The following ELMO1 variants were observed in gnomAD, a reference collection of about 807,000 sequenced individuals.
The protein encoded by ELMO1 is engulfment and cell motility protein 1.
In ELMO1, 26 loss-of-function variants were observed where a neutral mutation model predicts 98.9. The ratio of observed to expected loss-of-function variants is 0.26; its 90% confidence interval spans 0.19 to 0.36. The LOEUF (loss-of-function observed/expected upper bound fraction) is 0.36, where lower values mean the gene tolerates loss of function less well. Ranked by LOEUF, ELMO1 falls within the 10% of genes least tolerant of loss-of-function variation. The pLI is 1.00. For synonymous variants in ELMO1, 346 were observed against 346.0 expected (o/e 1.00, Z 0.00); for missense variants, 627 against 935.2 (o/e 0.67, Z 4.30).
intron 4 of ELMO1, among the ~76,000 whole-genome samples, chr7:37,282,878 C>T (rs745597528): frequency 1.3e-5 from 2 of 152,188 alleles, no homozygotes; most frequent in Non-Finnish European, 2.9e-5. Flanking sequence ...CCATTTTCAG[C>T]TGTTGTCTTT....
intron 15 of ELMO1, among the ~76,000 whole-genome samples, chr7:37,035,472 A>G (rs184971426): frequency 1.3e-5 from 2 of 152,328 alleles, no homozygotes; most frequent in Admixed American, 1.3e-4. Flanking sequence ...AAAGTGAAAG[A>G]TTTTTGTACC....
chr7:37,264,585 A>C (rs1796149477), intron 5 of ELMO1, among the ~76,000 whole-genome samples: 1 of 152,254 alleles, frequency 6.6e-6, no homozygotes, highest in Non-Finnish European at 1.5e-5. Flanking sequence ...ACACATGAAA[A>C]GAATCTAATA....
In ELMO1 at chr7:37,316,036, TAA is replaced by T; in HGVS notation, c.79-78_79-77del. The T allele has an allele frequency of 2.6e-6, 3 of 1,153,382 alleles. No individual in the cohort carries two copies. The South Asian group carries it at 4.0e-5, about 16-fold the overall frequency. 71.4% of individuals were successfully genotyped at this position (1,153,382 alleles called of 1,614,324 possible). ...AAATTAAAAAAAAGAAGAAGCTTCA[TAA>T]AAAGATTATCTAAGCAAAGAGAATT... On this transcript the variant is annotated intron_variant, in intron 2 of 21. Transcript: ENST00000310758.
At position 36,861,707 on chromosome 7, in the gene ELMO1, C is replaced by A; in HGVS notation, c.1935G>T (p.Leu645Phe). The change falls in exon 21 of 22, where the codon TTG (leucine) becomes TTT (phenylalanine). Residue 645 changes from leucine to phenylalanine, a missense_variant. This residue lies in a region of ELMO1 where 492 missense variants were observed against 715.6 expected (regional missense o/e 0.69). Coordinates refer to ENST00000310758, the MANE Select transcript of ELMO1 (RefSeq NM_014800.11). The part of the protein sequence containing the change: ...KEVLELAFSI[L>F]YDSNCQLNFI... ...AGTTCAGTTGGCAGTTTGAGTCATACAAGATGGAGAAAGCGAGTTCAAGCA... is the reference window on the plus strand; with the variant it reads ...AGTTCAGTTGGCAGTTTGAGTCATAAAAGATGGAGAAAGCGAGTTCAAGCA... 1 of 1,612,682 alleles carries A rather than the reference C, an allele frequency of 6.2e-7. No homozygotes were observed. Among genetic ancestry groups the A allele is most frequent in the Non-Finnish European group, 8.5e-7 (1 of 1,179,776 alleles).
intron 7 of ELMO1, among the ~76,000 whole-genome samples, chr7:37,235,466 T>C (rs1794409646): frequency 6.6e-6 from 1 of 152,172 alleles, no homozygotes; most frequent in Non-Finnish European, 1.5e-5. Flanking sequence ...ATAGTGGATA[T>C]TTGGTCATAC....
intron 16 of ELMO1, among the ~76,000 whole-genome samples, chr7:36,911,323 A>T (rs1409672364): frequency 6.6e-6 from 1 of 152,206 alleles, no homozygotes; most frequent in African/African-American, 2.4e-5. Flanking sequence ...CCAAACCAAC[A>T]TGACACAGTA....
At chr7:37,338,125 T>C (rs1286706432) in intron 2 of ELMO1, among the ~76,000 whole-genome samples, 1 of 152,234 alleles carries the variant, frequency 6.6e-6, no homozygotes, top group Non-Finnish European at 1.5e-5. Context: ...GCTGCTTTTA[T>C]TGAGGAATCA....
intron 1 of ELMO1, among the ~76,000 whole-genome samples, chr7:37,396,886 AATTCCATAGGACATTGG>A (rs1246816159): frequency 1.3e-5 from 2 of 152,200 alleles, no homozygotes; most frequent in Non-Finnish European, 2.9e-5. Flanking sequence ...CTATACATGA[AATTCCATAGGACATTGG>A]CAAAGGAGTA....
chr7:37,340,035 T>A (rs908674189), intron 2 of ELMO1, among the ~76,000 whole-genome samples: 1 of 152,198 alleles, frequency 6.6e-6, no homozygotes, highest in African/African-American at 2.4e-5. Context: ...ACTGAGAAAT[T>A]TCTAAAGATC....
At chr7:37,265,809 C>T (rs1170276294) in intron 5 of ELMO1, among the ~76,000 whole-genome samples, 2 of 152,140 alleles carry the variant, frequency 1.3e-5, no homozygotes, top group Non-Finnish European at 2.9e-5. Context: ...TCTTCCAGCC[C>T]ACAGCTTTAA....
chr7:37,390,017 A>T (rs1169228145), intron 1 of ELMO1, among the ~76,000 whole-genome samples: 2 of 152,152 alleles, frequency 1.3e-5, no homozygotes, highest in Non-Finnish European at 2.9e-5. Flanking sequence ...TCCCCTGAGA[A>T]GTCACCCATG....
intron 19 of ELMO1, among the ~76,000 whole-genome samples, chr7:36,874,926 C>T (rs1317553692): frequency 6.6e-6 from 1 of 152,198 alleles, no homozygotes; most frequent in Non-Finnish European, 1.5e-5. Context: ...TTGGAGAAGA[C>T]AGCCAAGGAG....
At chr7:37,426,983 A>C (rs1009796906) in intron 1 of ELMO1, among the ~76,000 whole-genome samples, 1 of 152,094 alleles carries the variant, frequency 6.6e-6, no homozygotes, top group Non-Finnish European at 1.5e-5. Flanking sequence ...TTTATCCAAG[A>C]TCCTTCTGCT....
At chr7:37,172,635 T>TA (rs1247047750) in intron 13 of ELMO1, among the ~76,000 whole-genome samples, 1 of 152,230 alleles carries the variant, frequency 6.6e-6, no homozygotes, top group Non-Finnish European at 1.5e-5. Flanking sequence ...ATTAGGATAT[T>TA]AGAGTCTATA....
intron 4 of ELMO1, among the ~76,000 whole-genome samples, chr7:37,290,897 A>G (rs545640523): frequency 2.6e-5 from 4 of 152,152 alleles, no homozygotes; most frequent in Non-Finnish European, 5.9e-5. Flanking sequence ...AGAACAGAGG[A>G]AGAGAAAAAG....
intron 1 of ELMO1, among the ~76,000 whole-genome samples, chr7:37,444,519 AT>A (rs369739454): frequency 0.12 from 18,122 of 148,158 alleles, 1,503 homozygotes; most frequent in Non-Finnish European, 0.17. Flanking sequence ...AAATAGTGGC[AT>A]TTTTTTTTTT....
At chr7:36,882,821 G>T (rs1027895587) in intron 18 of ELMO1, among the ~76,000 whole-genome samples, 1 of 152,144 alleles carries the variant, frequency 6.6e-6, no homozygotes, top group Admixed American at 6.5e-5. Flanking sequence ...TCTAGTCAAT[G>T]GCAGTCCCTC....
At chr7:37,162,975 T>C (rs1482135673) in intron 13 of ELMO1, among the ~76,000 whole-genome samples, 1 of 152,190 alleles carries the variant, frequency 6.6e-6, no homozygotes, top group Non-Finnish European at 1.5e-5. Context: ...TTCAGGTTTA[T>C]TTATTTTAAA....
rs923829225 is a variant in ELMO1, at chr7:37,271,848, C to T, written c.227G>A (p.Arg76Gln). 5.6e-6 allele frequency: 9 copies of T among 1,613,660 alleles called. No homozygotes were observed. The highest frequency in any genetic ancestry group is 1.7e-5 in the Admixed American group (1 of 59,958). Residue 76 changes from arginine to glutamine, a missense_variant, in exon 5 of 22, where the codon CGA becomes CAA. Around this residue, in one of 3 missense-constraint regions of ELMO1, gnomAD observed 123 missense variants for 171.2 expected, o/e 0.72. Transcript: ENST00000310758. Reference protein sequence around the residue: ...RNEIKNGTILRLTTSPAQNAQ... With the variant: ...RNEIKNGTILQLTTSPAQNAQ... ...TCAACTTACTGGAGATGTGGTTAAT[C>T]GAAGGATAGTGCCATTTTTTATCTC... is the stretch of plus-strand genomic sequence containing the variant.
Sources: allele counts gnomAD v4.1 joint callset (sites outside exome capture counted in the v4.1 genomes callset), GRCh38; gene constraint gnomAD v4.1.1; regional missense constraint gnomAD v4.1.1; transcripts MANE v1.5; gene names NCBI Gene and HGNC (gene_info 2026-07-23, HGNC 2026-07-21).